The following RAI14 variants were observed in gnomAD, a reference collection of about 807,000 sequenced individuals.
RAI14 encodes retinoic acid induced 14.
RAI14 carries 45 observed loss-of-function variants against 115.4 expected under a neutral mutation model. The observed-to-expected ratio is 0.39, with a 90% CI of 0.31 to 0.50. The LOEUF (loss-of-function observed/expected upper bound fraction) is 0.50, where lower values mean the gene tolerates loss of function less well. Among genes scored for constraint, RAI14 ranks in the 20% least tolerant of loss-of-function variants. RAI14 has a pLI of 0.85. For synonymous variants in RAI14, 371 were observed against 415.4 expected (o/e 0.89, Z 1.30); for missense variants, 939 against 1,131.2 (o/e 0.83, Z 2.44).
intron 2 of RAI14, among the ~76,000 whole-genome samples, chr5:34,704,428 G>A (rs982304977): frequency 6.6e-6 from 1 of 152,130 alleles, no homozygotes; most frequent in African/African-American, 2.4e-5. Flanking sequence ...TTCTGCACAG[G>A]TCCACAATTA....
intron 4 of RAI14, 40 bp downstream of exon 4, chr5:34,796,067 C>T: frequency 6.1e-6 from 9 of 1,483,088 alleles, no homozygotes; most frequent in Non-Finnish European, 7.5e-6. Context: ...AGGCCAGCAC[C>T]AGATTAGGTA....
chr5:34,695,383 G>A (rs903016746), intron 2 of RAI14, among the ~76,000 whole-genome samples: 8 of 152,200 alleles, frequency 5.3e-5, no homozygotes, highest in African/African-American at 1.9e-4. Context: ...AAGAGCCAGT[G>A]GGGCAGCTCT....
intron 2 of RAI14, among the ~76,000 whole-genome samples, chr5:34,732,238 A>G (rs1744282041): frequency 6.6e-6 from 1 of 152,094 alleles, no homozygotes; most frequent in Non-Finnish European, 1.5e-5. Context: ...GCTGCAGCCA[A>G]TGGACCCTTG....
At position 34,821,659 on chromosome 5, in the gene RAI14, A is replaced by G; in HGVS notation, c.995-73A>G. 3 of 910,000 alleles carry G rather than the reference A, an allele frequency of 3.3e-6. No homozygotes were observed. The South Asian group carries it at 4.2e-5, about 13-fold the overall frequency. 56.4% of individuals were successfully genotyped at this position (910,000 alleles called of 1,614,324 possible). A position where few individuals can be genotyped will look rare whatever the true frequency, so the allele number is the denominator to read the frequency against. ...GAAGAAGAACTGGATTAGGCTAGGA[A>G]GTGAATTTGTCTCAGGTTAGAGAAA... is the stretch of plus-strand genomic sequence containing the variant. On this transcript the variant is annotated intron_variant, in intron 13 of 17. Coordinates refer to ENST00000265109, the MANE Select transcript of RAI14 (RefSeq NM_015577.3).
chr5:34,765,167 T>C (rs57258512), intron 3 of RAI14, among the ~76,000 whole-genome samples: 7,145 of 152,262 alleles, frequency 0.047, 550 homozygotes, highest in African/African-American at 0.16. Context: ...GTCTCAGATA[T>C]GTCTTTATCA....
At chr5:34,810,284 C>G (rs1755426914) in intron 7 of RAI14, among the ~76,000 whole-genome samples, 1 of 152,078 alleles carries the variant, frequency 6.6e-6, no homozygotes, top group Non-Finnish European at 1.5e-5. Context: ...TGGTTTGTGT[C>G]AGACCTAAGA....
At chr5:34,763,272 C>T (rs551351254) in intron 3 of RAI14, among the ~76,000 whole-genome samples, 3 of 152,312 alleles carry the variant, frequency 2.0e-5, no homozygotes, top group South Asian at 4.1e-4. Context: ...GTTCTTCTCA[C>T]GTACAGCTGC....
intron 2 of RAI14, among the ~76,000 whole-genome samples, chr5:34,702,948 C>T (rs776510937): frequency 8.5e-5 from 13 of 152,260 alleles, no homozygotes; most frequent in Non-Finnish European, 1.6e-4. Context: ...TCAGGTGGTC[C>T]GCCTGCCTCG....
At chr5:34,782,151 C>T (rs1037112361) in intron 3 of RAI14, among the ~76,000 whole-genome samples, 1 of 152,200 alleles carries the variant, frequency 6.6e-6, no homozygotes, top group African/African-American at 2.4e-5. Flanking sequence ...AAACCCACAA[C>T]CTTCAGCGTG....
At chr5:34,680,497 A>G (rs1744309872) in intron 1 of RAI14, among the ~76,000 whole-genome samples, 1 of 152,210 alleles carries the variant, frequency 6.6e-6, no homozygotes, top group African/African-American at 2.4e-5. Context: ...TGACCCAATC[A>G]TTCTTAAAGT....
intron 3 of RAI14, among the ~76,000 whole-genome samples, chr5:34,781,763 A>G (rs1435496140): frequency 1.3e-5 from 2 of 152,196 alleles, no homozygotes; most frequent in Non-Finnish European, 2.9e-5. Context: ...GTACTGAAAA[A>G]TGTGTCTACA....
At chr5:34,689,461 C>T (rs190119872) in intron 2 of RAI14, among the ~76,000 whole-genome samples, 56 of 152,216 alleles carry the variant, frequency 3.7e-4, no homozygotes, top group Middle Eastern at 3.4e-3. Context: ...GACTTAAACT[C>T]GGACCTAGGT....
intron 3 of RAI14, among the ~76,000 whole-genome samples, chr5:34,788,740 C>T (rs1372036013): frequency 2.0e-5 from 3 of 152,026 alleles, no homozygotes; most frequent in Admixed American, 1.3e-4. Context: ...GAGGCTGAGA[C>T]GGGTGGATCA....
intron 2 of RAI14, among the ~76,000 whole-genome samples, chr5:34,731,708 A>G (rs1744209079): frequency 6.6e-6 from 1 of 152,250 alleles, no homozygotes; most frequent in South Asian, 2.1e-4. Flanking sequence ...AAATAAAGAA[A>G]TGAATAGTTA....
intron 2 of RAI14, among the ~76,000 whole-genome samples, chr5:34,743,387 C>T (rs1399683495): frequency 6.6e-6 from 1 of 152,176 alleles, no homozygotes; most frequent in African/African-American, 2.4e-5. Context: ...CCTTCTTCCT[C>T]ATGTCTCTGC....
chr5:34,737,910 A>C (rs2150039422), intron 2 of RAI14, among the ~76,000 whole-genome samples: 1 of 152,288 alleles, frequency 6.6e-6, no homozygotes, highest in East Asian at 1.9e-4. Flanking sequence ...TCCTGAATCT[A>C]ATTGAAAGCA....
At chr5:34,711,232 C>T (rs1257374181) in intron 2 of RAI14, among the ~76,000 whole-genome samples, 5 of 152,128 alleles carry the variant, frequency 3.3e-5, no homozygotes, top group African/African-American at 7.2e-5. Context: ...AGAGACTCAG[C>T]AAAGGGTGGT....
At chr5:34,661,930 C>T (rs574902481) in intron 1 of RAI14, among the ~76,000 whole-genome samples, 5 of 152,266 alleles carry the variant, frequency 3.3e-5, no homozygotes, top group East Asian at 1.9e-4. Flanking sequence ...TGTCTACAGG[C>T]GCGTGCCAAC....
At chr5:34,759,977 C>CT (rs1286904107) in intron 3 of RAI14, among the ~76,000 whole-genome samples, 2 of 152,160 alleles carry the variant, frequency 1.3e-5, no homozygotes, top group African/African-American at 4.8e-5. Flanking sequence ...ATCTTGGCAG[C>CT]TTCTGCGTTC....
Sources: gnomAD v4.1 joint callset for allele counts (sites outside exome capture counted in the v4.1 genomes callset) on GRCh38, gnomAD v4.1.1 for gene constraint, MANE v1.5 for transcripts, NCBI Gene and HGNC (gene_info 2026-07-23, HGNC 2026-07-21) for gene names.